Variants in ANKS1B observed in about 807,000 individuals in gnomAD.
The protein encoded by ANKS1B is ankyrin repeat and sterile alpha motif domain containing 1B.
ANKS1B carries 36 observed loss-of-function variants against 148.3 expected under a neutral mutation model. The ratio of observed to expected loss-of-function variants is 0.24; its 90% CI spans 0.19 to 0.32. ANKS1B has a LOEUF of 0.32. ANKS1B is among the 10% of genes least tolerant of loss of function. The pLI is 1.00. For synonymous variants in ANKS1B, 542 were observed against 560.8 expected (o/e 0.97, Z 0.47); for missense variants, 1,157 against 1,542.6 (o/e 0.75, Z 4.19).
intron 8 of ANKS1B, among the ~76,000 whole-genome samples, chr12:99,730,086 C>A (rs552114027): frequency 6.6e-6 from 1 of 152,152 alleles, no homozygotes; most frequent in African/African-American, 2.4e-5. Flanking sequence ...TGACCACGTC[C>A]AACTGTTAAG....
At chr12:98,877,009 C>T (rs2099692757) in intron 17 of ANKS1B, among the ~76,000 whole-genome samples, 1 of 152,160 alleles carries the variant, frequency 6.6e-6, no homozygotes, top group Non-Finnish European at 1.5e-5. Context: ...GGTCACTATG[C>T]ATATATAGCT....
chr12:99,775,733 C>A, intron 6 of ANKS1B, 72 bp from the exon 7 acceptor site: 3 of 869,912 alleles, frequency 3.4e-6, no homozygotes, highest in South Asian at 2.4e-5. Flanking sequence ...TTAAGTTTTA[C>A]TTCTGGTAAT....
chr12:99,604,773 C>G (rs907280627), intron 9 of ANKS1B, among the ~76,000 whole-genome samples: 1 of 148,566 alleles, frequency 6.7e-6, no homozygotes, highest in Non-Finnish European at 1.5e-5. Context: ...TGAGATCACA[C>G]CATTGCACTC....
chr12:99,704,525 CACAT>C (rs912517022), intron 8 of ANKS1B, among the ~76,000 whole-genome samples: 13 of 151,336 alleles, frequency 8.6e-5, no homozygotes, highest in Non-Finnish European at 1.6e-4. Context: ...TCTAGACACA[CACAT>C]ACATACACAT....
Position 98,745,657 on chromosome 12 carries a change from G to A in ANKS1B, c.*82C>T, listed in dbSNP as rs1470674571. The A allele has an allele frequency of 1.3e-5, 21 of 1,564,344 alleles. No homozygotes were observed. The highest frequency in any genetic ancestry group is 1.8e-5 in the Non-Finnish European group (21 of 1,154,634). Reference sequence around the variant, plus strand: ...CAGAGCAGTCTTCCTCCTGGGCTGGGTGGACGCGGAGGCGCGAAGGAAAGC... The same window carrying A: ...CAGAGCAGTCTTCCTCCTGGGCTGGATGGACGCGGAGGCGCGAAGGAAAGC... On this transcript the variant is annotated 3_prime_UTR_variant, in exon 27 of 27. Coordinates refer to ENST00000683438, the MANE Select transcript of ANKS1B (RefSeq NM_001352186.2).
chr12:98,905,370 C>T (rs2099777553), intron 17 of ANKS1B, among the ~76,000 whole-genome samples: 1 of 152,184 alleles, frequency 6.6e-6, no homozygotes, highest in South Asian at 2.1e-4. Context: ...GTGGCGCCTG[C>T]TTTCACCCAC....
chr12:98,950,016 G>A (rs2099851652), intron 17 of ANKS1B, among the ~76,000 whole-genome samples: 3 of 152,210 alleles, frequency 2.0e-5, no homozygotes, highest in Admixed American at 2.0e-4. Flanking sequence ...TGTGGGAAAG[G>A]TTTGAATTGA....
At chr12:99,645,385 G>T (rs2098351759) in intron 9 of ANKS1B, among the ~76,000 whole-genome samples, 1 of 152,164 alleles carries the variant, frequency 6.6e-6, no homozygotes, top group Non-Finnish European at 1.5e-5. Flanking sequence ...TTATGGTTCA[G>T]AGTATCTCCA....
At chr12:99,749,915 C>A (rs77106028) in intron 8 of ANKS1B, among the ~76,000 whole-genome samples, 1 of 152,126 alleles carries the variant, frequency 6.6e-6, no homozygotes, top group East Asian at 1.9e-4. Flanking sequence ...ATATAGTTCA[C>A]TGTCAGAAAA....
At chr12:98,868,707 A>G (rs1397157026) in intron 17 of ANKS1B, among the ~76,000 whole-genome samples, 4 of 152,222 alleles carry the variant, frequency 2.6e-5, no homozygotes, top group Non-Finnish European at 5.9e-5. Context: ...TTGCTAACAC[A>G]CTTAGCATGA....
intron 9 of ANKS1B, among the ~76,000 whole-genome samples, chr12:99,562,488 G>A (rs2097346824): frequency 6.6e-6 from 1 of 152,170 alleles, no homozygotes; most frequent in African/African-American, 2.4e-5. Flanking sequence ...ATGTGGCCAC[G>A]TTACTAATCT....
intron 9 of ANKS1B, 130 bp downstream of exon 9, chr12:99,654,937 A>G: frequency 1.9e-6 from 2 of 1,074,732 alleles, no homozygotes; most frequent in Admixed American, 5.8e-5. Flanking sequence ...ACTTTGAGAA[A>G]AACCACAAGA....
intron 14 of ANKS1B, chr12:99,155,140 G>A (rs977933963): frequency 2.8e-5 from 41 of 1,482,742 alleles, no homozygotes; most frequent in Admixed American, 2.2e-5. Flanking sequence ...CAGGAAATGC[G>A]AAGCTTGAAC....
intron 10 of ANKS1B, among the ~76,000 whole-genome samples, chr12:99,446,417 T>C (rs1222845846): frequency 6.6e-6 from 1 of 152,126 alleles, no homozygotes; most frequent in Admixed American, 6.6e-5. Context: ...GCATTTATTA[T>C]GTGCAGACAA....
At chr12:99,094,871 A>ACT (rs2055382289) in intron 15 of ANKS1B, among the ~76,000 whole-genome samples, 1 of 152,150 alleles carries the variant, frequency 6.6e-6, no homozygotes, top group Non-Finnish European at 1.5e-5. Context: ...CTTCAAATAT[A>ACT]CTCTGGATTC....
intron 1 of ANKS1B, among the ~76,000 whole-genome samples, chr12:99,963,406 T>C (rs1463187503): frequency 6.6e-6 from 1 of 152,222 alleles, no homozygotes; most frequent in Non-Finnish European, 1.5e-5. Context: ...AAACTAAAAT[T>C]CAGATCATCT....
At chr12:99,512,749 C>A (rs1233309389) in intron 9 of ANKS1B, among the ~76,000 whole-genome samples, 1 of 151,990 alleles carries the variant, frequency 6.6e-6, no homozygotes, top group African/African-American at 2.4e-5. Flanking sequence ...ATGTCCTTTG[C>A]AGGGACATGG....
chr12:98,747,403 G>T (rs901833455), intron 26 of ANKS1B, among the ~76,000 whole-genome samples: 1 of 152,018 alleles, frequency 6.6e-6, no homozygotes, highest in African/African-American at 2.4e-5. Context: ...AATGTGATAC[G>T]ATCTCACCCC....
At chr12:99,211,534 T>C (rs557428763) in intron 14 of ANKS1B, among the ~76,000 whole-genome samples, 134 of 152,334 alleles carry the variant, frequency 8.8e-4, no homozygotes, top group African/African-American at 3.1e-3. Flanking sequence ...TTCTACTTTA[T>C]AAAATGTAGT....
Sources: allele counts gnomAD v4.1 joint callset (sites outside exome capture counted in the v4.1 genomes callset), GRCh38; gene constraint gnomAD v4.1.1; transcripts MANE v1.5; gene names NCBI Gene and HGNC (gene_info 2026-07-23, HGNC 2026-07-21).